MALRD1: variants seen among roughly 807,000 people sequenced by gnomAD.
The protein encoded by MALRD1 is MAM and LDL receptor class A domain containing 1.
Under a neutral mutation model 242.1 loss-of-function variants are expected in MALRD1, and 247 were observed. The observed-to-expected ratio is 1.02, with a 90% CI of 0.92 to 1.13. The LOEUF (loss-of-function observed/expected upper bound fraction) is 1.13. Ranked by LOEUF, MALRD1 falls within the 50% of genes most tolerant of loss-of-function variation. MALRD1 has a pLI of 0.00. For missense variants in MALRD1, 2,989 were observed against 2,533.1 expected (o/e 1.18, Z -3.86); for synonymous variants, 995 against 866.6 (o/e 1.15, Z -2.60).
intron 29 of MALRD1, among the ~76,000 whole-genome samples, chr10:19,462,319 A>G (rs142160837): frequency 7.2e-5 from 11 of 152,318 alleles, no homozygotes; most frequent in South Asian, 2.1e-4. Context: ...ATTACCAGAG[A>G]CTAGGAAGAG....
chr10:19,512,086 C>A (rs1212273978), intron 31 of MALRD1, among the ~76,000 whole-genome samples: 2 of 151,998 alleles, frequency 1.3e-5, no homozygotes, highest in African/African-American at 2.4e-5. Context: ...CTTAAAAGAG[C>A]TTGGTATCAT....
chr10:19,077,044 GT>G (rs1206898712), intron 2 of MALRD1, among the ~76,000 whole-genome samples: 1 of 151,594 alleles, frequency 6.6e-6, no homozygotes, highest in Non-Finnish European at 1.5e-5. Context: ...GTCTTTTATT[GT>G]TTTTGAGGCA....
At chr10:19,528,056 A>G (rs1834180439) in intron 31 of MALRD1, among the ~76,000 whole-genome samples, 2 of 152,284 alleles carry the variant, frequency 1.3e-5, no homozygotes, top group South Asian at 4.1e-4. Flanking sequence ...AAATAAGAAA[A>G]CAAGCCGTAT....
intron 18 of MALRD1, among the ~76,000 whole-genome samples, chr10:19,231,854 GC>G (rs1838095339): frequency 1.3e-5 from 2 of 151,226 alleles, no homozygotes; most frequent in East Asian, 1.9e-4. Flanking sequence ...TTTTTTTCTA[GC>G]CTATATTTCT....
chr10:19,522,363 G>A (rs1333897099), intron 31 of MALRD1, among the ~76,000 whole-genome samples: 3 of 152,074 alleles, frequency 2.0e-5, no homozygotes, highest in African/African-American at 4.8e-5. Flanking sequence ...AGATTAAAAG[G>A]CCATTAGTGT....
chr10:19,163,831 G>T (rs893980418), intron 12 of MALRD1, among the ~76,000 whole-genome samples: 2 of 152,176 alleles, frequency 1.3e-5, no homozygotes, highest in African/African-American at 4.8e-5. Context: ...TTAAATATAA[G>T]TTCTGAGCTC....
intron 32 of MALRD1, among the ~76,000 whole-genome samples, chr10:19,548,119 C>T (rs1426994829): frequency 6.7e-6 from 1 of 149,936 alleles, no homozygotes; most frequent in Non-Finnish European, 1.5e-5. Flanking sequence ...CCTGCCTCAG[C>T]CTGCCAAGTA....
intron 18 of MALRD1, among the ~76,000 whole-genome samples, chr10:19,243,377 A>G (rs954011740): frequency 1.3e-5 from 2 of 152,144 alleles, no homozygotes; most frequent in African/African-American, 4.8e-5. Flanking sequence ...ACTTTTTAAA[A>G]ACTATGTTTC....
chr10:19,156,914 G>A (rs933542601), intron 12 of MALRD1, among the ~76,000 whole-genome samples: 1 of 152,134 alleles, frequency 6.6e-6, no homozygotes, highest in Non-Finnish European at 1.5e-5. Context: ...CATTTTGGGT[G>A]CTTGGTAGTT....
chr10:19,493,635 C>A (rs1407817160), intron 30 of MALRD1, among the ~76,000 whole-genome samples: 3 of 146,776 alleles, frequency 2.0e-5, no homozygotes, highest in Non-Finnish European at 3.0e-5. Flanking sequence ...TGGTGAAACC[C>A]CGTCTCTACT....
chr10:19,461,223 G>A (rs1835924452), intron 29 of MALRD1, among the ~76,000 whole-genome samples: 1 of 152,084 alleles, frequency 6.6e-6, no homozygotes, highest in African/African-American at 2.4e-5. Flanking sequence ...ATGGATTCTT[G>A]AAGGATTTGA....
At chr10:19,670,941 C>T (rs1841891565) in intron 36 of MALRD1, among the ~76,000 whole-genome samples, 1 of 150,704 alleles carries the variant, frequency 6.6e-6, no homozygotes. Flanking sequence ...TGCAGTGGCA[C>T]CATCTCGGCT....
intron 18 of MALRD1, among the ~76,000 whole-genome samples, chr10:19,230,101 A>G (rs1030866918): frequency 2.6e-5 from 4 of 152,078 alleles, no homozygotes; most frequent in African/African-American, 9.7e-5. Context: ...GCCTGCTGCC[A>G]TGTAAGACGT....
chr10:19,506,083 C>A (rs989164136), intron 31 of MALRD1, among the ~76,000 whole-genome samples: 2 of 152,174 alleles, frequency 1.3e-5, no homozygotes, highest in African/African-American at 4.8e-5. Flanking sequence ...AGAATGCCTG[C>A]CCTATGGGGA....
At chr10:19,397,811 A>C (rs1027221645) in intron 28 of MALRD1, among the ~76,000 whole-genome samples, 7 of 151,774 alleles carry the variant, frequency 4.6e-5, no homozygotes, top group African/African-American at 7.3e-5. Context: ...CGTTGCTAAC[A>C]CTTCTTTATC....
At chr10:19,389,099 C>T in intron 27 of MALRD1, 1 of 365,076 alleles carries the variant, frequency 2.7e-6, no homozygotes, top group South Asian at 2.1e-5. Context: ...CCATATCACT[C>T]TTTTTTTTAG....
intron 5 of MALRD1, among the ~76,000 whole-genome samples, chr10:19,110,098 G>A (rs1836623296): frequency 6.6e-6 from 1 of 152,156 alleles, no homozygotes; most frequent in African/African-American, 2.4e-5. Context: ...CTATTCCCCT[G>A]CAACACTCTG....
At chr10:19,115,372 A>T (rs897986432) in intron 5 of MALRD1, among the ~76,000 whole-genome samples, 3 of 152,122 alleles carry the variant, frequency 2.0e-5, no homozygotes, top group Non-Finnish European at 4.4e-5. Context: ...GACCCCCATG[A>T]CACGAATTTA....
chr10:19,513,111 C>T (rs905702670), intron 31 of MALRD1, among the ~76,000 whole-genome samples: 1 of 152,070 alleles, frequency 6.6e-6, no homozygotes, highest in Non-Finnish European at 1.5e-5. Flanking sequence ...TATTTGTCCC[C>T]TCCAAATCTC....
Sources: gnomAD v4.1 joint callset for allele counts (sites outside exome capture counted in the v4.1 genomes callset) on GRCh38, gnomAD v4.1.1 for gene constraint, MANE v1.5 for transcripts, NCBI Gene and HGNC (gene_info 2026-07-23, HGNC 2026-07-21) for gene names.